GGT1: variants seen among roughly 807,000 people sequenced by gnomAD.
GGT1 encodes gamma-glutamyltransferase 1.
GGT1 carries 21 observed loss-of-function variants against 56.0 expected under a neutral mutation model. The observed-to-expected ratio is 0.38, with a 90% CI of 0.27 to 0.54. The LOEUF (loss-of-function observed/expected upper bound fraction) is 0.54, where lower values mean the gene tolerates loss of function less well. GGT1 is among the 20% of genes least tolerant of loss of function. GGT1 has a pLI of 0.82. For missense variants in GGT1, 466 were observed against 787.0 expected (o/e 0.59, Z 4.88); for synonymous variants, 238 against 342.6 (o/e 0.69, Z 3.37).
intron 11 of GGT1, chr22:24,627,039 T>C (rs879596969): frequency 2.9e-3 from 1,077 of 375,826 alleles, no homozygotes; most frequent in South Asian, 7.9e-3. Context: ...CTTACCTGGC[T>C]TGTGGTTTCA....
chr22:24,600,401 A>G (rs1379351225), upstream of GGT1, among the ~76,000 whole-genome samples: 2 of 152,228 alleles, frequency 1.3e-5, no homozygotes, highest in African/African-American at 4.8e-5. Flanking sequence ...TCTAGGGCCC[A>G]TGCCTCTGCC....
At chr22:24,616,814 G>A (rs1220427247) in intron 7 of GGT1, among the ~76,000 whole-genome samples, 1 of 151,990 alleles carries the variant, frequency 6.6e-6, no homozygotes, top group Non-Finnish European at 1.5e-5. Flanking sequence ...CAAAGTGCTG[G>A]AATTACAGGC....
the GGT1 span, chr22:24,588,725 C>T: frequency 9.4e-7 from 1 of 1,062,150 alleles, no homozygotes; most frequent in Non-Finnish European, 1.1e-6. Context: ...AGCCGTGCTC[C>T]ACTGACGCCA....
chr22:24,602,947 C>T (rs2045808837), upstream of GGT1, among the ~76,000 whole-genome samples: 1 of 152,196 alleles, frequency 6.6e-6, no homozygotes, highest in East Asian at 1.9e-4. Flanking sequence ...AACCCAGCCT[C>T]ATTCAGCCCC....
intron 7 of GGT1, among the ~76,000 whole-genome samples, chr22:24,615,341 C>T (rs1056686989): frequency 3.3e-5 from 5 of 152,144 alleles, no homozygotes; most frequent in Non-Finnish European, 7.3e-5. Flanking sequence ...CTGCTAAGGC[C>T]TCCGGGGCCA....
intron 5 of GGT1, among the ~76,000 whole-genome samples, chr22:24,613,465 ACTGT>A (rs2046845771): frequency 1.3e-5 from 2 of 152,178 alleles, no homozygotes; most frequent in Admixed American, 6.5e-5. Context: ...TAAAGAGGAA[ACTGT>A]CTGGGCAAGG....
chr22:24,627,505 C>T lies in GGT1; in HGVS notation c.1094C>T (p.Pro365Leu), dbSNP rs371390626. The change falls in exon 12 of 16, where the codon CCG becomes CTG. Residue 365 changes from proline to leucine, a missense_variant. Around this residue, in one of 2 missense-constraint regions of GGT1, gnomAD observed 456 missense variants for 716.7 expected, o/e 0.64. Coordinates refer to ENST00000400382, the MANE Select transcript of GGT1 (RefSeq NM_001288833.2). ...RAQISDDTTHPISYYKPEFYT... is the reference protein window; with the variant it reads ...RAQISDDTTHLISYYKPEFYT... The stretch of plus-strand genomic sequence containing the variant: ...CAGATCTCTGACGACACCACTCACC[C>T]GATCTCCTACTACAAGCCCGAGTTC... 78 of 1,575,482 alleles carry T rather than the reference C, an allele frequency of 5.0e-5. No homozygotes were observed. The African/African-American group carries it at 6.5e-4, about 13-fold the overall frequency.
At chr22:24,622,039 C>CAA (rs1057143634) in intron 9 of GGT1, among the ~76,000 whole-genome samples, 4,180 of 105,702 alleles carry the variant, frequency 0.04, 226 homozygotes, top group African/African-American at 0.13. Context: ...GATTCCATCT[C>CAA]AAAAAAAAAA....
intron 5 of GGT1, among the ~76,000 whole-genome samples, chr22:24,614,348 CAAAAAAAA>C (rs534749815): frequency 7.4e-4 from 8 of 10,746 alleles, no homozygotes; most frequent in African/African-American, 2.0e-3. Flanking sequence ...GACTTTGTCT[CAAAAAAAA>C]AAAAAAAAAA....
chr22:24,600,608 G>T (rs1385927978), upstream of GGT1, among the ~76,000 whole-genome samples: 2 of 152,252 alleles, frequency 1.3e-5, no homozygotes, highest in Non-Finnish European at 2.9e-5. Flanking sequence ...GTGTTGGCCA[G>T]GCTCTGGGGG....
At chr22:24,589,703 C>A in the GGT1 span, 1 of 1,216,288 alleles carries the variant, frequency 8.2e-7, no homozygotes, top group Non-Finnish European at 1.1e-6. Flanking sequence ...CAGTGACTTG[C>A]CTAAGGCCAC....
upstream of GGT1, chr22:24,592,468 A>G (rs2045598916): frequency 4.3e-6 from 2 of 464,976 alleles, no homozygotes; most frequent in Non-Finnish European, 8.9e-6. Context: ...TCTCAATACA[A>G]GATGATTTGA....
In GGT1 at chr22:24,624,056, G is replaced by C. The variant is rs202227774; in HGVS notation, c.1020+140G>C. On this transcript the variant is annotated intron_variant, in intron 11 of 15. Coordinates refer to ENST00000400382, the MANE Select transcript of GGT1 (RefSeq NM_001288833.2). ...GACTTCGATTGCGGGCCTACTGTGT[G>C]CTCGGATGGACTCGTGGGTGACCCC... The C allele has an allele frequency of 3.3e-6, 5 of 1,511,824 alleles. No homozygotes were observed. The East Asian group carries it at 1.2e-4, about 37-fold the overall frequency. The allele number at this position is 1,511,824 out of a possible 1,614,324, so 93.7% of individuals were successfully genotyped here.
In GGT1 at chr22:24,621,063, G is replaced by C. The variant is rs745861632; in HGVS notation, c.726G>C (p.Gln242His). 1 of 1,577,998 alleles carries C rather than the reference G, an allele frequency of 6.3e-7. No homozygotes were observed. The highest frequency in any genetic ancestry group is 1.1e-5 in the South Asian group (1 of 87,430). ...SLTAQIVKDIQAAGGIVTAED... is the reference protein window; with the variant it reads ...SLTAQIVKDIHAAGGIVTAED... ...CGGCCCAGATTGTGAAGGACATCCAGGCGGCCGGTGAGTGGGTAACCTCAG... is the reference window on the plus strand; with the variant it reads ...CGGCCCAGATTGTGAAGGACATCCACGCGGCCGGTGAGTGGGTAACCTCAG... The change falls in exon 9 of 16, where the codon CAG (glutamine) becomes CAC (histidine). Residue 242 changes from glutamine to histidine, a missense_variant. Gln to His is a conservative substitution (Grantham distance 24). Transcript: ENST00000400382.
chr22:24,589,605 C>CT, the GGT1 span: 4 of 598,048 alleles, frequency 6.7e-6, no homozygotes, highest in Non-Finnish European at 8.1e-6. Flanking sequence ...GCCCAGGACT[C>CT]TGAGGGTCCT....
chr22:24,588,199 C>G, the GGT1 span: 1 of 1,598,104 alleles, frequency 6.3e-7, no homozygotes, highest in Non-Finnish European at 8.6e-7. Flanking sequence ...GGGGCAGTGG[C>G]TGGGCTACCC....
At chr22:24,602,577 G>A (rs1601616954), upstream of GGT1, among the ~76,000 whole-genome samples, 1 of 152,188 alleles carries the variant, frequency 6.6e-6, no homozygotes, top group African/African-American at 2.4e-5. Flanking sequence ...ATGGACAGAT[G>A]GGCCTCATCC....
At chr22:24,588,333 T>C in the GGT1 span, 2 of 1,606,574 alleles carry the variant, frequency 1.2e-6, no homozygotes, top group Admixed American at 1.7e-5. Context: ...CATAGTCCTG[T>C]GGGAGGGCAG....
chr22:24,627,720 G>T, intron 12 of GGT1, 101 bp downstream of exon 12: 1 of 1,564,162 alleles, frequency 6.4e-7, no homozygotes, highest in South Asian at 1.1e-5. Context: ...TCTTTTCCTG[G>T]TGGGAAACTG....
Sources: gnomAD v4.1 joint callset for allele counts (sites outside exome capture counted in the v4.1 genomes callset) on GRCh38, gnomAD v4.1.1 for gene constraint, gnomAD v4.1.1 regional missense constraint, MANE v1.5 for transcripts, NCBI Gene and HGNC (gene_info 2026-07-23, HGNC 2026-07-21) for gene names.